Variants in EVC2 observed in about 807,000 individuals in gnomAD.
EVC2 encodes EvC ciliary complex subunit 2, also known as limbin.
Under a neutral mutation model 149.3 loss-of-function variants are expected in EVC2, and 148 were observed. The observed-to-expected ratio is 0.99, with a 90% CI of 0.87 to 1.14. The LOEUF is 1.14. Ranked by LOEUF, EVC2 falls within the 50% of genes most tolerant of loss-of-function variation. The pLI, the probability that EVC2 is intolerant of heterozygous loss-of-function variation, is 0.00. For missense variants in EVC2, 1,854 were observed against 1,627.3 expected (o/e 1.14, Z -2.40); for synonymous variants, 776 against 649.9 (o/e 1.19, Z -2.95).
chr4:5,702,298 T>G (rs1577275806), intron 1 of EVC2, among the ~76,000 whole-genome samples: 2 of 152,186 alleles, frequency 1.3e-5, no homozygotes, highest in Admixed American at 6.5e-5. Context: ...CAACCACCAG[T>G]GGACACACCA....
At chr4:5,605,325 G>A (rs755494056) in intron 16 of EVC2, among the ~76,000 whole-genome samples, 1 of 152,076 alleles carries the variant, frequency 6.6e-6, no homozygotes, top group Non-Finnish European at 1.5e-5. Flanking sequence ...CTTGTCTTTG[G>A]GAACTCTGCT....
At chr4:5,538,033 CCT>C (rs1440145422), downstream of EVC2, among the ~76,000 whole-genome samples, 1 of 147,930 alleles carries the variant, frequency 6.8e-6, no homozygotes, top group Non-Finnish European at 1.5e-5. Flanking sequence ...AATTGATAAA[CCT>C]CTAGCCAAAC....
rs10031596 is a variant in EVC2, at chr4:5,618,010, A to G, written c.2706+468T>C. 0.17 allele frequency among the ~76,000 whole-genome samples: 26,524 copies of G among 152,112 alleles called. 5,377 individuals are homozygous for G. The highest frequency in any genetic ancestry group is 0.49 in the African/African-American group (20,473 of 41,458). ...AATAGCTGCTCATTAAAAGGCAGCT[A>G]CCAGTCATCATCCTTTAAGACCCTG... On this transcript the variant is annotated intron_variant, in intron 15 of 21. Coordinates refer to ENST00000344408, the MANE Select transcript of EVC2 (RefSeq NM_147127.5). This position sits in a 1 kb window ranked among gnomAD's most constrained non-coding sequence, Gnocchi z 4.4.
chr4:5,610,797 T>TTTTC (rs1553827489), intron 16 of EVC2, among the ~76,000 whole-genome samples: 12 of 148,280 alleles, frequency 8.1e-5, no homozygotes, highest in African/African-American at 3.0e-4. Flanking sequence ...TCCTTTTCTT[T>TTTTC]TTTTTTTTTT....
At chr4:5,666,269 T>TTTTTTTTTTTTTTCTTTTC (rs1226163495) in intron 7 of EVC2, among the ~76,000 whole-genome samples, 1 of 151,808 alleles carries the variant, frequency 6.6e-6, no homozygotes, top group Non-Finnish European at 1.5e-5. Context: ...CTGATTATTG[T>TTTTTTTTTTTTTTCTTTTC]TTATAGGTTA....
At chr4:5,583,396 T>C (rs551922174) in intron 17 of EVC2, among the ~76,000 whole-genome samples, 3 of 152,362 alleles carry the variant, frequency 2.0e-5, no homozygotes, top group South Asian at 2.1e-4. Context: ...CCTATTTTTC[T>C]AATACAAGGA....
chr4:5,649,723 C>T (rs1021171511), intron 9 of EVC2, among the ~76,000 whole-genome samples: 1 of 152,118 alleles, frequency 6.6e-6, no homozygotes, highest in Non-Finnish European at 1.5e-5. Flanking sequence ...TTCAAGGTAG[C>T]AGGTGTAAGC....
rs1184278309 is a variant in EVC2, at chr4:5,636,576, T to G, written c.1470+3938A>C. Among the ~76,000 whole-genome samples the G allele has an allele frequency of 6.6e-6, 1 of 152,188 alleles. No homozygotes were observed. The highest frequency in any genetic ancestry group is 1.9e-4 in the East Asian group (1 of 5,192). ...GGTGATTTAAAGTATACAGGAGCAT[T>G]TGTGTAGGTTATGTGCAAATACGAC... is the stretch of plus-strand genomic sequence containing the variant. On this transcript the variant is annotated intron_variant, in intron 10 of 21. Transcript: ENST00000344408. This position sits in a 1 kb window ranked among gnomAD's most constrained non-coding sequence, Gnocchi z 4.6.
At chr4:5,658,063 C>T (rs1207689411) in intron 9 of EVC2, among the ~76,000 whole-genome samples, 1 of 152,128 alleles carries the variant, frequency 6.6e-6, no homozygotes, top group Non-Finnish European at 1.5e-5. Context: ...TAGCTCTGAC[C>T]ATAGTGTAGA....
upstream of EVC2, chr4:5,708,871 C>G (rs140630016): frequency 4.9e-6 from 1 of 204,972 alleles, no homozygotes; most frequent in African/African-American, 2.3e-5. Flanking sequence ...CCCCTGGGAA[C>G]GGTTTCCTGA....
chr4:5,665,179 G>A (rs1230322707), intron 8 of EVC2, among the ~76,000 whole-genome samples: 1 of 152,102 alleles, frequency 6.6e-6, no homozygotes, highest in Non-Finnish European at 1.5e-5. Flanking sequence ...GCATGTTGGT[G>A]TGTAGCTGCA....
At position 5,622,677 on chromosome 4, in the gene EVC2, C is replaced by T. The variant is rs1041638769; in HGVS notation, c.2361G>A (p.Arg787=). Residue 787 remains arginine (R), a synonymous_variant, in exon 14 of 22, where the codon CGG becomes CGA. Transcript: ENST00000344408. This position sits in a 1 kb window ranked among gnomAD's most constrained non-coding sequence, Gnocchi z 5.8. ...LEEHGKEMAA[R]AEQLEGEERD... Reference sequence around the variant, plus strand: ...TCTCCTCCCCCTCCAGCTGCTCGGCCCGTGCAGCCATCTCCTTGCCGTGCT... The same window carrying T: ...TCTCCTCCCCCTCCAGCTGCTCGGCTCGTGCAGCCATCTCCTTGCCGTGCT... 1.2e-6 allele frequency: 2 copies of T among 1,614,012 alleles called. No homozygotes were observed. The highest frequency in any genetic ancestry group is 1.3e-5 in the African/African-American group (1 of 74,914).
the EVC2 span, among the ~76,000 whole-genome samples, chr4:5,532,229 G>T: frequency 2.6e-5 from 4 of 152,040 alleles, no homozygotes; most frequent in African/African-American, 9.7e-5. Flanking sequence ...CAGCCTAAAG[G>T]CCATCTGTGG....
rs578160107 is a variant in EVC2 at position 5,633,615 on chromosome 4, G to A, written c.1471-1583C>T. On this transcript the variant is annotated intron_variant, in intron 10 of 21. Coordinates refer to ENST00000344408, the MANE Select transcript of EVC2 (RefSeq NM_147127.5). This position sits in a 1 kb window ranked among gnomAD's most constrained non-coding sequence, Gnocchi z 4.4. ...GGAAAGGCTTACGCGTGCAGGATGC[G>A]TGGGTACAGCCATCCCAAATGGCCA... 6.6e-5 allele frequency among the ~76,000 whole-genome samples: 10 copies of A among 152,358 alleles called. No individual in the cohort carries two copies. Among genetic ancestry groups the A allele is most frequent in the Non-Finnish European group, 8.8e-5 (6 of 68,038 alleles).
chr4:5,544,154 T>C (rs1721568049), intron 21 of EVC2, among the ~76,000 whole-genome samples: 1 of 151,610 alleles, frequency 6.6e-6, no homozygotes, highest in Admixed American at 6.6e-5. Context: ...TAAAATTAAC[T>C]AGGAAATCAC....
chr4:5,621,356 C>A (rs185369020), intron 14 of EVC2, among the ~76,000 whole-genome samples: 1 of 152,342 alleles, frequency 6.6e-6, no homozygotes, highest in African/African-American at 2.4e-5. Context: ...GTGCCATGTA[C>A]TGCCAAAATC....
chr4:5,690,922 T>A (rs1721080036), intron 4 of EVC2, among the ~76,000 whole-genome samples: 1 of 152,136 alleles, frequency 6.6e-6, no homozygotes, highest in African/African-American at 2.4e-5. Flanking sequence ...CCTTGTAGGA[T>A]TAGGAAGGTT....
At chr4:5,694,280 T>C (rs556917613) in intron 3 of EVC2, 55 bp downstream of exon 3, 142 of 1,587,880 alleles carry the variant, frequency 8.9e-5, no homozygotes, top group African/African-American at 2.4e-4. Context: ...CAGGCCATAA[T>C]TGGTTTATTT....
chr4:5,655,109 G>A (rs1055279271), intron 9 of EVC2, among the ~76,000 whole-genome samples: 1 of 152,316 alleles, frequency 6.6e-6, no homozygotes, highest in East Asian at 1.9e-4. Context: ...AGACGACAGC[G>A]AGAGTTGCCG....
Sources: allele counts gnomAD v4.1 joint callset (sites outside exome capture counted in the v4.1 genomes callset), GRCh38; gene constraint gnomAD v4.1.1; non-coding constraint Gnocchi (gnomAD v3.1); transcripts MANE v1.5; gene names NCBI Gene and HGNC (gene_info 2026-07-23, HGNC 2026-07-21).